The following KAZN variants were observed in gnomAD, a reference collection of about 807,000 sequenced individuals.
KAZN encodes kazrin.
KAZN carries 40 observed loss-of-function variants against 87.4 expected under a neutral mutation model. The ratio of observed to expected loss-of-function variants is 0.46; its 90% confidence interval spans 0.36 to 0.60. The LOEUF is 0.60. KAZN is among the 20% of genes least tolerant of loss of function. KAZN has a pLI of 0.00. For missense variants in KAZN, 898 were observed against 1,073.9 expected (o/e 0.84, Z 2.29); for synonymous variants, 466 against 458.3 (o/e 1.02, Z -0.22).
intron 1 of KAZN, chr1:14,124,319 G>A (rs1570795132): frequency 6.6e-6 from 1 of 152,340 alleles, no homozygotes; most frequent in South Asian, 2.1e-4. Flanking sequence ...ATTTTAATAT[G>A]TACTGCCGAA....
chr1:13,986,806 G>A (rs969838379), intron 1 of KAZN, among the ~76,000 whole-genome samples: 3 of 152,202 alleles, frequency 2.0e-5, no homozygotes, highest in South Asian at 2.1e-4. Context: ...CGGGGCCCTC[G>A]TGTCTAGACA....
At chr1:14,916,748 CA>C (rs372488144) in intron 1 of KAZN, among the ~76,000 whole-genome samples, 1 of 151,464 alleles carries the variant, frequency 6.6e-6, no homozygotes, top group Admixed American at 6.6e-5. Context: ...CCTATATCTA[CA>C]AAAAAAATTA....
At chr1:15,043,400 GC>G (rs938663258) in intron 3 of KAZN, among the ~76,000 whole-genome samples, 8 of 152,160 alleles carry the variant, frequency 5.3e-5, no homozygotes, top group African/African-American at 1.9e-4. Context: ...ATTGACTCCT[GC>G]CCCATTTTAC....
In KAZN at chr1:14,987,322, G is replaced by A. The variant is rs548487614; in HGVS notation, c.418+26447G>A. ...AGCCTGGCCAACATGGTGAAACCCC[G>A]TCTCTACTAAAGATACTAAAAATTA... is the stretch of plus-strand genomic sequence containing the variant. On this transcript the variant is annotated intron_variant, in intron 2 of 14. Coordinates refer to ENST00000376030, the MANE Select transcript of KAZN (RefSeq NM_201628.3). Among the ~76,000 whole-genome samples, 18 of 152,136 alleles carry A rather than the reference G, an allele frequency of 1.2e-4. No individual in the cohort carries two copies. The East Asian group carries it at 1.7e-3, about 15-fold the overall frequency.
intron 2 of KAZN, among the ~76,000 whole-genome samples, chr1:14,248,782 A>T (rs192369016): frequency 6.6e-6 from 1 of 152,304 alleles, no homozygotes; most frequent in African/African-American, 2.4e-5. Context: ...GAATCAAGGC[A>T]GTGTTGTAAA....
chr1:13,924,425 T>C (rs7539228), intron 1 of KAZN, among the ~76,000 whole-genome samples: 39,191 of 152,096 alleles, frequency 0.26, 5,647 homozygotes, highest in African/African-American at 0.4. Flanking sequence ...TATAGTTCTT[T>C]TTAAAAAACA....
chr1:14,514,408 A>AT (rs1671135454), intron 2 of KAZN, among the ~76,000 whole-genome samples: 1 of 15,328 alleles, frequency 6.5e-5, no homozygotes, highest in African/African-American at 1.9e-4. Context: ...TATATATATA[A>AT]TATATAAATA....
At chr1:14,086,269 G>A (rs61775672) in intron 1 of KAZN, among the ~76,000 whole-genome samples, 22,134 of 152,158 alleles carry the variant, frequency 0.15, 2,171 homozygotes, top group Middle Eastern at 0.26. Context: ...GTGTGCCATG[G>A]TGGTTTGCAT....
intron 2 of KAZN, among the ~76,000 whole-genome samples, chr1:14,318,341 CTG>C (rs2100831377): frequency 6.6e-6 from 1 of 152,124 alleles, no homozygotes; most frequent in African/African-American, 2.4e-5. Context: ...GCTATGTTAA[CTG>C]TTTTTCTTTC....
At chr1:14,997,718 G>C (rs1369293509) in intron 2 of KAZN, among the ~76,000 whole-genome samples, 1 of 152,136 alleles carries the variant, frequency 6.6e-6, no homozygotes, top group African/African-American at 2.4e-5. Context: ...GAGGAGCAGG[G>C]GCTGGGCTGG....
chr1:14,042,421 A>T (rs550997953), intron 1 of KAZN, among the ~76,000 whole-genome samples: 2 of 152,314 alleles, frequency 1.3e-5, no homozygotes, highest in East Asian at 3.9e-4. Context: ...TTCAGCCCTC[A>T]TCTTAGTCTC....
At chr1:14,639,005 A>G (rs1680219225) in intron 1 of KAZN, among the ~76,000 whole-genome samples, 2 of 152,060 alleles carry the variant, frequency 1.3e-5, no homozygotes, top group South Asian at 4.2e-4. Context: ...CTCTGGCATC[A>G]TCTAGTGCTA....
In KAZN at chr1:14,164,258, C is replaced by A. The variant is rs149534731; in HGVS notation, c.92-16177C>A. 3.6e-3 allele frequency among the ~76,000 whole-genome samples: 544 copies of A among 152,232 alleles called. 3 individuals carry two copies. Among genetic ancestry groups the A allele is most frequent in the African/African-American group, 0.013 (530 of 41,546 alleles). On this transcript the variant is annotated intron_variant, in intron 1 of 16. Transcript: ENST00000636203. The stretch of plus-strand genomic sequence containing the variant: ...TCAGGTGATTACAGTCAAGTTGTCA[C>A]CCTGGGCACATCCATCTGAGGGCTA...
intron 1 of KAZN, among the ~76,000 whole-genome samples, chr1:14,656,271 C>T (rs1638785715): frequency 6.6e-6 from 1 of 152,136 alleles, no homozygotes; most frequent in African/African-American, 2.4e-5. Context: ...AGTCGGATGA[C>T]CCACTTATCC....
intron 1 of KAZN, among the ~76,000 whole-genome samples, chr1:14,672,939 T>G (rs916664163): frequency 2.0e-5 from 3 of 152,172 alleles, no homozygotes; most frequent in Non-Finnish European, 2.9e-5. Context: ...GAGTCTGGCT[T>G]AGGCACAGCC....
intron 2 of KAZN, among the ~76,000 whole-genome samples, chr1:14,536,762 G>A (rs905305862): frequency 2.6e-5 from 4 of 152,066 alleles, no homozygotes; most frequent in Non-Finnish European, 5.9e-5. Context: ...CATGCCTGTA[G>A]TCCCAGCTAC....
At chr1:14,916,108 T>C (rs956153532) in intron 1 of KAZN, among the ~76,000 whole-genome samples, 2 of 152,052 alleles carry the variant, frequency 1.3e-5, no homozygotes, top group African/African-American at 4.8e-5. Flanking sequence ...GCCTGGCACA[T>C]AGTAAGTGCT....
intron 1 of KAZN, among the ~76,000 whole-genome samples, chr1:14,625,426 TCTC>T (rs1165780583): frequency 6.6e-6 from 1 of 152,142 alleles, no homozygotes. Flanking sequence ...ATTTCACTCT[TCTC>T]TGCAAGTGGA....
intron 1 of KAZN, among the ~76,000 whole-genome samples, chr1:14,030,818 CT>C (rs1641294841): frequency 1.3e-5 from 2 of 152,154 alleles, no homozygotes; most frequent in Non-Finnish European, 2.9e-5. Context: ...AATAAAATGA[CT>C]TTGCAGGTTT....
Sources: allele counts gnomAD v4.1 joint callset (sites outside exome capture counted in the v4.1 genomes callset), GRCh38; gene constraint gnomAD v4.1.1; transcripts MANE v1.5; gene names NCBI Gene and HGNC (gene_info 2026-07-23, HGNC 2026-07-21).